The following ANKRD12 variants were observed in gnomAD, a reference collection of about 807,000 sequenced individuals.
ANKRD12 encodes ankyrin repeat domain-containing protein 12.
Under a neutral mutation model 183.4 loss-of-function variants are expected in ANKRD12, and 85 were observed. The observed-to-expected ratio is 0.46, with a 90% CI of 0.39 to 0.56. The LOEUF (loss-of-function observed/expected upper bound fraction) is 0.56, where lower values mean the gene tolerates loss of function less well. Ranked by LOEUF, ANKRD12 falls within the 20% of genes least tolerant of loss-of-function variation. The pLI is 0.00. For synonymous variants in ANKRD12, 914 were observed against 800.2 expected (o/e 1.14, Z -2.40); for missense variants, 2,405 against 2,357.1 (o/e 1.02, Z -0.42).
chr18:9,153,023 C>T (rs559825943), intron 1 of ANKRD12, among the ~76,000 whole-genome samples: 44 of 151,706 alleles, frequency 2.9e-4, no homozygotes, highest in Middle Eastern at 6.8e-3. Flanking sequence ...TCTGTAGAGA[C>T]GGGTCTCACT....
At chr18:9,260,130 T>A (rs2038880243) in intron 9 of ANKRD12, 1 of 152,204 alleles carries the variant, frequency 6.6e-6, no homozygotes, top group Non-Finnish European at 1.5e-5. Context: ...GGGCCCTACA[T>A]TCTTTTTCTT....
chr18:9,256,971 T>C lies in ANKRD12; in HGVS notation c.3704T>C (p.Leu1235Ser). ...PPVEYDSDFM[L>S]ESSESQMSFS... is the part of the protein sequence containing the mutation. ...GTTGAGTATGACTCTGACTTTATGTTAGAGAGTTCAGAATCCCAAATGTCC... is the reference window on the plus strand; with the variant it reads ...GTTGAGTATGACTCTGACTTTATGTCAGAGAGTTCAGAATCCCAAATGTCC... Residue 1235 changes from leucine to serine, a missense_variant, in exon 9 of 13, where the codon TTA becomes TCA. Around this residue, in one of 7 missense-constraint regions of ANKRD12, gnomAD observed 1,983 missense variants for 1,725.9 expected, o/e 1.15. Coordinates refer to ENST00000262126, the MANE Select transcript of ANKRD12 (RefSeq NM_015208.5). 1 of 1,614,124 alleles carries C rather than the reference T, an allele frequency of 6.2e-7. No individual in the cohort carries two copies. Among genetic ancestry groups the C allele is most frequent in the Non-Finnish European group, 8.5e-7 (1 of 1,180,006 alleles).
chr18:9,246,121 A>G (rs2037949180), intron 8 of ANKRD12, among the ~76,000 whole-genome samples: 1 of 152,174 alleles, frequency 6.6e-6, no homozygotes, highest in Non-Finnish European at 1.5e-5. Context: ...ACCTTTTACT[A>G]ATGCTTATTT....
chr18:9,156,247 A>AT (rs1007255338), intron 1 of ANKRD12, among the ~76,000 whole-genome samples: 11 of 150,748 alleles, frequency 7.3e-5, no homozygotes, highest in Admixed American at 2.7e-4. Flanking sequence ...TAATTTTTAT[A>AT]TTTTTTTTGT....
intron 6 of ANKRD12, among the ~76,000 whole-genome samples, chr18:9,212,903 C>T (rs1041846561): frequency 6.6e-6 from 1 of 151,648 alleles, no homozygotes; most frequent in African/African-American, 2.4e-5. Flanking sequence ...ATTGTTAGAT[C>T]CACTCCTTTG....
At chr18:9,137,122 C>G (rs938277745) in intron 1 of ANKRD12, 157 bp downstream of exon 1, 6 of 152,052 alleles carry the variant, frequency 3.9e-5, no homozygotes, top group Admixed American at 6.6e-5. Flanking sequence ...TGCCCGCCCC[C>G]CCCGGTCCCG....
At chr18:9,196,189 T>TACACACACACACACAC (rs34220366) in intron 3 of ANKRD12, among the ~76,000 whole-genome samples, 296 of 51,662 alleles carry the variant, frequency 5.7e-3, no homozygotes, top group African/African-American at 0.016. Context: ...ATAGAATTTT[T>TACACACACACACACAC]ACACACACAC....
intron 1 of ANKRD12, among the ~76,000 whole-genome samples, chr18:9,140,790 A>G (rs1051275741): frequency 2.6e-5 from 4 of 152,230 alleles, no homozygotes; most frequent in Non-Finnish European, 5.9e-5. Context: ...TTGTAGTATT[A>G]CATAGATTAT....
At position 9,252,472 on chromosome 18, in the gene ANKRD12, C is replaced by A. The variant is rs138298664; in HGVS notation, c.944-1739C>A. Among the ~76,000 whole-genome samples, 30 of 152,280 alleles carry A rather than the reference C, an allele frequency of 2.0e-4. No individual in the cohort carries two copies. The East Asian group carries it at 5.0e-3, about 25-fold the overall frequency. ...CCTGTAGAAATTTCTCCACTTTCAT[C>A]ATGGACATTAGTGTCAGGATAACTT... On this transcript the variant is annotated intron_variant, in intron 8 of 12. Transcript: ENST00000262126.
At chr18:9,191,601 T>C (rs1387754860) in intron 2 of ANKRD12, among the ~76,000 whole-genome samples, 2 of 152,212 alleles carry the variant, frequency 1.3e-5, no homozygotes, top group Admixed American at 1.3e-4. Flanking sequence ...TGAGGCAAGT[T>C]ACTGGAGTTT....
chr18:9,258,108 C>T lies in ANKRD12; in HGVS notation c.4841C>T (p.Ser1614Phe). 1 of 1,613,464 alleles carries T rather than the reference C, an allele frequency of 6.2e-7. No individual in the cohort carries two copies. The highest frequency in any genetic ancestry group is 8.5e-7 in the Non-Finnish European group (1 of 1,179,980). The change falls in exon 9 of 13, where the codon TCC becomes TTC. Residue 1614 changes from serine to phenylalanine, a missense_variant. Physicochemically the swap from Ser to Phe is radical, Grantham distance 155. Transcript: ENST00000262126. ...TTTAGCAAACTAACTTACAAGTCTT[C>T]CAGTGGCCATGAAGTTGAGAATAGC... ...YAFSKLTYKS[S>F]SGHEVENSTT...
At chr18:9,239,959 A>G (rs2037565307) in intron 8 of ANKRD12, among the ~76,000 whole-genome samples, 1 of 152,186 alleles carries the variant, frequency 6.6e-6, no homozygotes, top group South Asian at 2.1e-4. Context: ...ACTGTTTGTT[A>G]CCAGCCCTCA....
intron 11 of ANKRD12, among the ~76,000 whole-genome samples, chr18:9,276,712 C>CA (rs56886509): frequency 0.068 from 9,605 of 141,568 alleles, 331 homozygotes; most frequent in African/African-American, 0.09. Context: ...GACCCTGTCT[C>CA]AAAAAAAAAC....
Position 9,181,929 on chromosome 18 carries a change from ACTACT to A in ANKRD12, c.-51-449_-51-445del, listed in dbSNP as rs1490568276. 5.9e-5 allele frequency among the ~76,000 whole-genome samples: 9 copies of A among 152,318 alleles called. No individual in the cohort carries two copies. The South Asian group carries it at 8.3e-4, about 14-fold the overall frequency. On this transcript the variant is annotated intron_variant, in intron 1 of 12. Transcript: ENST00000262126. ...TGAGGATGTTCAGTAAAGAAAATAA[ACTACT>A]CTAGGGATTTTAAATGGGAAGGATT...
At chr18:9,176,626 A>G (rs552761804) in intron 1 of ANKRD12, among the ~76,000 whole-genome samples, 3 of 151,418 alleles carry the variant, frequency 2.0e-5, no homozygotes, top group Non-Finnish European at 4.4e-5. Flanking sequence ...ACTTAAAAAA[A>G]AAGAAAGAAA....
intron 4 of ANKRD12, among the ~76,000 whole-genome samples, chr18:9,206,728 A>G (rs2035507829): frequency 6.6e-6 from 1 of 152,206 alleles, no homozygotes; most frequent in Non-Finnish European, 1.5e-5. Flanking sequence ...AAATAATTAC[A>G]TCTTTATTTG....
chr18:9,142,311 C>T (rs2078345870), intron 1 of ANKRD12, among the ~76,000 whole-genome samples: 1 of 152,176 alleles, frequency 6.6e-6, no homozygotes, highest in African/African-American at 2.4e-5. Context: ...TCTTTTGAAC[C>T]TCACAGCTCA....
chr18:9,161,079 T>G (rs953911473), intron 1 of ANKRD12, among the ~76,000 whole-genome samples: 22 of 152,190 alleles, frequency 1.4e-4, no homozygotes, highest in African/African-American at 5.1e-4. Flanking sequence ...GCTCAAGCAA[T>G]CCTCTTGCCT....
At chr18:9,261,149 A>T (rs779582524) in intron 9 of ANKRD12, among the ~76,000 whole-genome samples, 4 of 152,126 alleles carry the variant, frequency 2.6e-5, no homozygotes, top group Non-Finnish European at 5.9e-5. Context: ...CCCTGCCTAC[A>T]ATCTTGTCCC....
Sources: gnomAD v4.1 joint callset for allele counts (sites outside exome capture counted in the v4.1 genomes callset) on GRCh38, gnomAD v4.1.1 for gene constraint, gnomAD v4.1.1 regional missense constraint, MANE v1.5 for transcripts, NCBI Gene and HGNC (gene_info 2026-07-23, HGNC 2026-07-21) for gene names.